Variants in HDGFL3 observed in about 807,000 individuals in gnomAD.
The protein encoded by HDGFL3 is hepatoma-derived growth factor-related protein 3.
Under a neutral mutation model 27.6 loss-of-function variants are expected in HDGFL3, and 6 were observed. The ratio of observed to expected loss-of-function variants is 0.22; its 90% CI spans 0.12 to 0.43. The LOEUF is 0.43. Among genes scored for constraint, HDGFL3 ranks in the 20% least tolerant of loss-of-function variants. The probability of loss-of-function intolerance (pLI) is 1.00; values close to 1 mark genes in which losing one functional copy is unlikely to be tolerated. For missense variants in HDGFL3, 207 were observed against 250.1 expected (o/e 0.83, Z 1.16); for synonymous variants, 88 against 88.9 (o/e 0.99, Z 0.05).
In HDGFL3 at chr15:83,171,223, T is replaced by C. The variant is rs367886887; in HGVS notation, c.85-7148A>G. ...CCTCCCCCCACCTCATAATGGCTACTATTAAAAAATTAAAAAACAATGGAT... is the reference window on the plus strand; with the variant it reads ...CCTCCCCCCACCTCATAATGGCTACCATTAAAAAATTAAAAAACAATGGAT... On this transcript the variant is annotated intron_variant, in intron 1 of 5. Coordinates refer to ENST00000299633, the MANE Select transcript of HDGFL3 (RefSeq NM_016073.4). Among the ~76,000 whole-genome samples the C allele has an allele frequency of 2.6e-4, 33 of 126,386 alleles. 1 individual carries two copies. The South Asian group carries it at 9.6e-3, about 37-fold the overall frequency. 82.9% of individuals were successfully genotyped at this position (126,386 alleles called of 152,430 possible). A position where few individuals can be genotyped will look rare whatever the true frequency, so the allele number is the denominator to read the frequency against.
intron 1 of HDGFL3, among the ~76,000 whole-genome samples, chr15:83,183,666 G>T (rs1428732987): frequency 6.6e-6 from 1 of 151,864 alleles, no homozygotes; most frequent in Non-Finnish European, 1.5e-5. Context: ...AGAATTGCTT[G>T]AACTCAGGAG....
chr15:83,148,632 AAATAAT>A (rs1023687922), intron 5 of HDGFL3, among the ~76,000 whole-genome samples: 1 of 151,954 alleles, frequency 6.6e-6, no homozygotes, highest in African/African-American at 2.4e-5. Context: ...GAAAAAAAAA[AAATAAT>A]AATAATAATT....
Position 83,157,555 on chromosome 15 carries a change from A to G in HDGFL3, c.319T>C (p.Ser107Pro). Residue 107 changes from serine (S) to proline (P), a missense_variant, in exon 4 of 6, where the codon TCT becomes CCT. Physicochemically the swap from Ser to Pro is moderately conservative, Grantham distance 74. Coordinates refer to ENST00000299633, the MANE Select transcript of HDGFL3 (RefSeq NM_016073.4). ...CCACCTTCTCCCTCAGTTTCTGAAGAGCTCTGTTGCTGAATTGCCTAAGAA... is the reference window on the plus strand; with the variant it reads ...CCACCTTCTCCCTCAGTTTCTGAAGGGCTCTGTTGCTGAATTGCCTAAGAA... ...TGYQAIQQQS[S>P]SETEGEGGNT... 6.2e-7 allele frequency: 1 copy of G among 1,613,322 alleles called. No individual in the cohort carries two copies. Among genetic ancestry groups the G allele is most frequent in the Non-Finnish European group, 8.5e-7 (1 of 1,179,728 alleles).
At chr15:83,187,746 G>A (rs553177238) in intron 1 of HDGFL3, among the ~76,000 whole-genome samples, 75 of 152,172 alleles carry the variant, frequency 4.9e-4, no homozygotes, top group African/African-American at 1.7e-3. Context: ...AAATTAGCCC[G>A]ACATGGTGGC....
chr15:83,124,533 G>C, downstream of HDGFL3: 1 of 634,048 alleles, frequency 1.6e-6, no homozygotes, highest in Non-Finnish European at 2.7e-6. Context: ...TTTTCCTAAA[G>C]TTCCATGGCC....
chr15:83,171,448 G>C (rs563251535), intron 1 of HDGFL3, among the ~76,000 whole-genome samples: 1 of 152,220 alleles, frequency 6.6e-6, no homozygotes, highest in South Asian at 2.1e-4. Flanking sequence ...GCTCCCTCAT[G>C]TTCACTGCAG....
At chr15:83,151,610 G>T (rs1187966148) in intron 4 of HDGFL3, among the ~76,000 whole-genome samples, 1 of 152,144 alleles carries the variant, frequency 6.6e-6, no homozygotes, top group Non-Finnish European at 1.5e-5. Flanking sequence ...GTTATTTCCA[G>T]CAATGTGATA....
intron 1 of HDGFL3, among the ~76,000 whole-genome samples, chr15:83,204,773 A>C (rs1305091631): frequency 6.6e-6 from 1 of 152,262 alleles, no homozygotes; most frequent in African/African-American, 2.4e-5. Flanking sequence ...TTTATTTTAC[A>C]GACGAGTAAA....
intron 1 of HDGFL3, among the ~76,000 whole-genome samples, chr15:83,166,228 G>T (rs1368948832): frequency 6.6e-6 from 1 of 152,138 alleles, no homozygotes; most frequent in Non-Finnish European, 1.5e-5. Context: ...ATGTAAAAAG[G>T]GAATCCCAGC....
At chr15:83,201,111 C>T (rs929911659) in intron 1 of HDGFL3, among the ~76,000 whole-genome samples, 4 of 151,950 alleles carry the variant, frequency 2.6e-5, no homozygotes, top group East Asian at 1.9e-4. Context: ...AATTATTTTA[C>T]GTATTAGGAC....
chr15:83,164,390 AAAAAG>A (rs1320617216), intron 1 of HDGFL3, among the ~76,000 whole-genome samples: 3 of 150,836 alleles, frequency 2.0e-5, no homozygotes, highest in Non-Finnish European at 3.0e-5. Flanking sequence ...AAAAAAAAAA[AAAAAG>A]AATACAAAAA....
chr15:83,148,041 T>C (rs2036920667), intron 5 of HDGFL3, among the ~76,000 whole-genome samples: 1 of 152,200 alleles, frequency 6.6e-6, no homozygotes, highest in South Asian at 2.1e-4. Flanking sequence ...ACCTTATCAT[T>C]AATCAGAGAA....
At chr15:83,156,404 T>C (rs549471798) in intron 4 of HDGFL3, among the ~76,000 whole-genome samples, 1 of 152,300 alleles carries the variant, frequency 6.6e-6, no homozygotes, top group African/African-American at 2.4e-5. Flanking sequence ...TGTTGTACTA[T>C]AATTTATGTG....
intron 1 of HDGFL3, among the ~76,000 whole-genome samples, chr15:83,169,921 C>A (rs2037224449): frequency 6.6e-6 from 1 of 152,096 alleles, no homozygotes; most frequent in Non-Finnish European, 1.5e-5. Context: ...CTTCTATATA[C>A]CAATAACATC....
At chr15:83,140,406 T>G (rs531720258) in intron 5 of HDGFL3, among the ~76,000 whole-genome samples, 1 of 151,926 alleles carries the variant, frequency 6.6e-6, no homozygotes, top group Non-Finnish European at 1.5e-5. Context: ...ACAGATACTT[T>G]GGAGGATCTT....
chr15:83,152,647 C>T lies in HDGFL3; in HGVS notation c.460-1286G>A, dbSNP rs1446583619. Among the ~76,000 whole-genome samples, 4 of 145,482 alleles carry T rather than the reference C, an allele frequency of 2.7e-5. No individual in the cohort carries two copies. The South Asian group carries it at 6.5e-4, about 24-fold the overall frequency. On this transcript the variant is annotated intron_variant, in intron 4 of 5. Transcript: ENST00000299633. ...ACCTGGGAGGTGGAGGTTGCAGTGA[C>T]ACTCAAGCCTGGGTGACAGAGTTAG...
intron 1 of HDGFL3, among the ~76,000 whole-genome samples, chr15:83,202,646 T>C (rs146228276): frequency 1.3e-5 from 2 of 152,234 alleles, no homozygotes; most frequent in Non-Finnish European, 2.9e-5. Context: ...ATAAAATGTG[T>C]TTTTTAAATT....
In HDGFL3 at chr15:83,120,678, C is replaced by T. The variant is rs1055342351; in HGVS notation, c.394-4937G>A. On this transcript the variant is annotated intron_variant, in intron 3 of 3. Transcript: ENST00000568294. ...CTCCGCCTCCCAGGTTCAAGCGATTCTCAGGCCTCAGCTGGGACTACAGGC... is the reference window on the plus strand; with the variant it reads ...CTCCGCCTCCCAGGTTCAAGCGATTTTCAGGCCTCAGCTGGGACTACAGGC... 6.7e-5 allele frequency among the ~76,000 whole-genome samples: 10 copies of T among 148,820 alleles called. No individual in the cohort carries two copies. The East Asian group carries it at 1.6e-3, about 24-fold the overall frequency.
chr15:83,145,268 C>T (rs533457086), intron 5 of HDGFL3, among the ~76,000 whole-genome samples: 7 of 152,114 alleles, frequency 4.6e-5, no homozygotes, highest in Admixed American at 1.3e-4. Context: ...GGTCCTTTTA[C>T]GGCCTCATTT....
Sources: allele counts gnomAD v4.1 joint callset (sites outside exome capture counted in the v4.1 genomes callset), GRCh38; gene constraint gnomAD v4.1.1; transcripts MANE v1.5; gene names NCBI Gene and HGNC (gene_info 2026-07-23, HGNC 2026-07-21).